ZFHX3: variants seen among roughly 807,000 people sequenced by gnomAD.
The protein encoded by ZFHX3 is zinc finger homeobox 3, also known as zinc finger homeobox protein 3.
A neutral mutation model predicts 279.1 loss-of-function variants in ZFHX3; 42 were observed. The observed-to-expected ratio is 0.15, with a 90% CI of 0.12 to 0.19. The LOEUF (loss-of-function observed/expected upper bound fraction) is 0.19. Among genes scored for constraint, ZFHX3 ranks in the 10% least tolerant of loss-of-function variants. The probability of loss-of-function intolerance (pLI) is 1.00; values close to 1 mark genes in which losing one functional copy is unlikely to be tolerated. For synonymous variants in ZFHX3, 2,293 were observed against 1,957.8 expected (o/e 1.17, Z -4.52); for missense variants, 4,981 against 4,754.0 (o/e 1.05, Z -1.40).
chr16:73,354,977 C>CAGTG (rs2016312300), intron 3 of ZFHX3, among the ~76,000 whole-genome samples: 1 of 152,232 alleles, frequency 6.6e-6, no homozygotes, highest in South Asian at 2.1e-4. Context: ...GAAAGCTCTG[C>CAGTG]AGTGCTATTA....
intron 2 of ZFHX3, among the ~76,000 whole-genome samples, chr16:73,653,727 G>C (rs1301981421): frequency 3.3e-5 from 5 of 151,592 alleles, no homozygotes; most frequent in Admixed American, 1.3e-4. Context: ...ATATAAACTA[G>C]ATTTAATAAA....
intron 3 of ZFHX3, among the ~76,000 whole-genome samples, chr16:72,926,331 G>A (rs9936884): frequency 0.1 from 15,504 of 151,922 alleles, 1,051 homozygotes; most frequent in African/African-American, 0.19. Context: ...TATCCTGCCC[G>A]CCCACTCGCT....
At chr16:72,882,982 GTGTGTGTGT>G (rs2038526158) in intron 4 of ZFHX3, among the ~76,000 whole-genome samples, 21 of 20,814 alleles carry the variant, frequency 1.0e-3, no homozygotes, top group African/African-American at 1.7e-3. Flanking sequence ...TCTGGGGTGT[GTGTGTGTGT>G]GTGTGTGTGT....
At chr16:73,287,176 G>C (rs1231208750) in intron 4 of ZFHX3, among the ~76,000 whole-genome samples, 1 of 148,634 alleles carries the variant, frequency 6.7e-6, no homozygotes, top group Non-Finnish European at 1.5e-5. Context: ...TGCTGTGTGG[G>C]CCAGTGTGTG....
intron 4 of ZFHX3, among the ~76,000 whole-genome samples, chr16:73,287,339 T>C (rs1429845874): frequency 1.3e-5 from 1 of 78,696 alleles, no homozygotes; most frequent in Non-Finnish European, 2.5e-5. Context: ...GTGTGGGTGG[T>C]GGGTGTGTGG....
intron 1 of ZFHX3, among the ~76,000 whole-genome samples, chr16:73,023,869 G>A (rs1347814052): frequency 6.6e-6 from 1 of 152,166 alleles, no homozygotes; most frequent in Non-Finnish European, 1.5e-5. Flanking sequence ...AAAATGCAAG[G>A]GAGCTCCGAG....
At position 72,947,198 on chromosome 16, in the gene ZFHX3, G is replaced by A. The variant is rs767464224; in HGVS notation, c.3216+3271C>T. Reference sequence around the variant, plus strand: ...TAAGGGGGCTTCCCCCGGATGCCTCGGGCCCTGCGGCATTCCCCTACTCCA... The same window carrying A: ...TAAGGGGGCTTCCCCCGGATGCCTCAGGCCCTGCGGCATTCCCCTACTCCA... On this transcript the variant is annotated intron_variant, in intron 3 of 9. Transcript: ENST00000268489. Among the ~76,000 whole-genome samples, 53 of 152,296 alleles carry A rather than the reference G, an allele frequency of 3.5e-4. 1 individual carries two copies. In the Middle Eastern group the frequency reaches 0.01, roughly 29 times the overall value.
chr16:73,099,776 A>G (rs2144786532), intron 7 of ZFHX3, among the ~76,000 whole-genome samples: 1 of 151,748 alleles, frequency 6.6e-6, no homozygotes, highest in Non-Finnish European at 1.5e-5. Flanking sequence ...GGAGGAACAG[A>G]CGTGGGGTGG....
chr16:73,078,436 T>G (rs1306059345), intron 8 of ZFHX3, among the ~76,000 whole-genome samples: 1 of 152,188 alleles, frequency 6.6e-6, no homozygotes, highest in Non-Finnish European at 1.5e-5. Context: ...ACTAAGATAC[T>G]TGCTTGTTTA....
At chr16:73,262,067 A>G (rs774381063) in intron 4 of ZFHX3, among the ~76,000 whole-genome samples, 22 of 152,234 alleles carry the variant, frequency 1.4e-4, no homozygotes, top group Non-Finnish European at 2.8e-4. Context: ...CTGAAGCAGT[A>G]GAAATAAGAG....
intron 7 of ZFHX3, among the ~76,000 whole-genome samples, chr16:73,108,327 T>G (rs1400637349): frequency 7.6e-6 from 1 of 131,006 alleles, no homozygotes. Flanking sequence ...GAGCAAGACC[T>G]TACCTTAAAA....
chr16:73,020,168 C>A lies in ZFHX3; in HGVS notation c.-50+27584G>T, dbSNP rs540876045. On this transcript the variant is annotated intron_variant, in intron 1 of 9. Coordinates refer to ENST00000268489, the MANE Select transcript of ZFHX3 (RefSeq NM_006885.4). ...CAGGACAAGAGGCACCAGCAAGAGC[C>A]CTGCATCAATTACTCTACAGAGGCA... 7.0e-4 allele frequency among the ~76,000 whole-genome samples: 107 copies of A among 152,236 alleles called. 1 individual carries two copies. Among genetic ancestry groups the A allele is most frequent in the African/African-American group, 2.5e-3 (104 of 41,524 alleles).
chr16:73,574,280 C>A (rs1441891999), intron 2 of ZFHX3, among the ~76,000 whole-genome samples: 2 of 152,112 alleles, frequency 1.3e-5, no homozygotes, highest in Admixed American at 1.3e-4. Context: ...TGCAAAATTT[C>A]ATCCAGATAT....
chr16:73,508,120 C>G (rs574927086), intron 2 of ZFHX3, among the ~76,000 whole-genome samples: 49 of 152,230 alleles, frequency 3.2e-4, no homozygotes, highest in Middle Eastern at 6.8e-3. Context: ...AATATCAAAT[C>G]GAGGCTCACA....
chr16:72,795,499 CTGGGG>C lies in ZFHX3; in HGVS notation c.7178_7182del (p.Ala2393GlyfsTer6). Reference sequence around the variant, plus strand: ...GAAGCTGTATTATTGGCTGATGGTGCTGGGGCGCTGTAAGCCTGTGAGGGCATCGG... The same window carrying C: ...GAAGCTGTATTATTGGCTGATGGTGCCGCTGTAAGCCTGTGAGGGCATCGG... On this transcript the variant is annotated frameshift_variant, in exon 9 of 10. Coordinates refer to ENST00000268489, the MANE Select transcript of ZFHX3 (RefSeq NM_006885.4). LOFTEE classifies it high-confidence loss of function. The C allele has an allele frequency of 6.2e-7, 1 of 1,614,092 alleles. No homozygotes were observed. Among genetic ancestry groups the C allele is most frequent in the Non-Finnish European group, 8.5e-7 (1 of 1,180,032 alleles).
intron 5 of ZFHX3, among the ~76,000 whole-genome samples, chr16:73,240,785 T>C (rs1438676173): frequency 6.6e-6 from 1 of 152,182 alleles, no homozygotes; most frequent in East Asian, 1.9e-4. Context: ...AAATACGGAA[T>C]CTGTGAATAA....
chr16:73,856,273 G>A (rs1015966610), intron 1 of ZFHX3, among the ~76,000 whole-genome samples: 1 of 152,102 alleles, frequency 6.6e-6, no homozygotes, highest in East Asian at 1.9e-4. Flanking sequence ...TTAAAAAAAC[G>A]TTTTACACTA....
intron 2 of ZFHX3, among the ~76,000 whole-genome samples, chr16:73,586,374 G>T (rs1020460742): frequency 6.7e-6 from 1 of 148,894 alleles, no homozygotes; most frequent in Admixed American, 6.9e-5. Flanking sequence ...GGGTGACACA[G>T]CAAGACTCTA....
At chr16:73,838,243 T>G (rs2142365873) in intron 1 of ZFHX3, among the ~76,000 whole-genome samples, 1 of 152,356 alleles carries the variant, frequency 6.6e-6, no homozygotes, top group African/African-American at 2.4e-5. Context: ...TTTGGGATGC[T>G]GTGGCCAGAG....
Sources: allele counts gnomAD v4.1 joint callset (sites outside exome capture counted in the v4.1 genomes callset), GRCh38; gene constraint gnomAD v4.1.1; transcripts MANE v1.5; gene names NCBI Gene and HGNC (gene_info 2026-07-23, HGNC 2026-07-21).